The following WDR97 variants were observed in gnomAD, a reference collection of about 807,000 sequenced individuals.
WDR97 encodes WD repeat domain 97.
WDR97 carries 111 observed loss-of-function variants against 65.4 expected under a neutral mutation model. The ratio of observed to expected loss-of-function variants is 1.70; its 90% CI spans 1.45 to 1.99. The LOEUF (loss-of-function observed/expected upper bound fraction) is 1.99, where lower values mean the gene tolerates loss of function less well. Ranked by LOEUF, WDR97 falls within the 30% of genes most tolerant of loss-of-function variation. The probability of loss-of-function intolerance (pLI) is 0.00; values close to 1 mark genes in which losing one functional copy is unlikely to be tolerated. For missense variants in WDR97, 1,674 were observed against 865.0 expected, an observed-to-expected ratio of 1.94 and a Z score of -11.73; for synonymous variants, 802 against 397.7, an observed-to-expected ratio of 2.02 and a Z score of -12.10.
chr8:144,115,624 A>C lies in WDR97; in HGVS notation c.4361A>C (p.His1454Pro), dbSNP rs1310414159. 1.5e-6 allele frequency: 1 copy of C among 687,318 alleles called. No individual in the cohort carries two copies. The highest frequency in any genetic ancestry group is 2.7e-6 in the Non-Finnish European group (1 of 375,966). 42.6% of individuals were successfully genotyped at this position (687,318 alleles called of 1,614,324 possible). ...SFCLEPEARL[H>P]PAGPAQLPGE... ...TGCCTGGAGCCCGAGGCCCGCCTGC[A>C]CCCTGCCGGGCCTGCTCAGCTGCCC... Residue 1454 changes from histidine (H) to proline (P), a missense_variant, in exon 22 of 24, where the codon CAC (histidine) becomes CCC (proline). His to Pro is a moderately conservative substitution (Grantham distance 77). Coordinates refer to ENST00000323662, the MANE Select transcript of WDR97 (RefSeq NM_001316309.2).
chr8:144,113,565 C>T (rs1416244643), intron 16 of WDR97, 48 bp downstream of exon 16: 8 of 685,410 alleles, frequency 1.2e-5, no homozygotes, highest in African/African-American at 3.5e-5. Context: ...AGAGAAAGCT[C>T]GAGGCAAGGG....
Position 144,109,817 on chromosome 8 carries a change from G to A in WDR97, c.1483G>A (p.Ala495Thr). Reference sequence around the variant, plus strand: ...CGAGGCGCTGTGGCTGCTGACCAGGGCTGGGCACCTGGTCCGCGCCAACGC... The same window carrying A: ...CGAGGCGCTGTGGCTGCTGACCAGGACTGGGCACCTGGTCCGCGCCAACGC... ...PREALWLLTR[A>T]GHLVRANAAR... The change falls in exon 5 of 24, where the codon GCT (alanine) becomes ACT (threonine). Residue 495 changes from alanine to threonine, a missense_variant. Ala to Thr is a moderately conservative substitution (Grantham distance 58). Coordinates refer to ENST00000323662, the MANE Select transcript of WDR97 (RefSeq NM_001316309.2). 1 of 684,754 alleles carries A rather than the reference G, an allele frequency of 1.5e-6. No individual in the cohort carries two copies. The highest frequency in any genetic ancestry group is 1.5e-5 in the South Asian group (1 of 65,478). The allele number at this position is 684,754 out of a possible 1,614,324, so 42.4% of individuals were successfully genotyped here. A position where few individuals can be genotyped will look rare whatever the true frequency, so the allele number is the denominator to read the frequency against.
rs1836636016 is a variant in WDR97 at position 144,115,617 on chromosome 8, C to A, written c.4354C>A (p.Arg1452Ser). The A allele has an allele frequency of 1.5e-6, 1 of 686,846 alleles. No homozygotes were observed. The allele number at this position is 686,846 out of a possible 1,614,324, so 42.5% of individuals were successfully genotyped here. ...GAGCTTCTGCCTGGAGCCCGAGGCCCGCCTGCACCCTGCCGGGCCTGCTCA... is the reference window on the plus strand; with the variant it reads ...GAGCTTCTGCCTGGAGCCCGAGGCCAGCCTGCACCCTGCCGGGCCTGCTCA... ...LKSFCLEPEARLHPAGPAQLP... is the reference protein window; with the variant it reads ...LKSFCLEPEASLHPAGPAQLP... The change falls in exon 22 of 24, where the codon CGC (arginine) becomes AGC (serine). Residue 1452 changes from arginine to serine, a missense_variant. Transcript: ENST00000323662.
Position 144,113,691 on chromosome 8 carries a change from G to A in WDR97, c.3218G>A (p.Arg1073His), listed in dbSNP as rs561414111. The A allele has an allele frequency of 7.4e-6, 5 of 671,794 alleles. No homozygotes were observed. The highest frequency in any genetic ancestry group is 8.2e-6 in the Non-Finnish European group (3 of 366,938). The allele number at this position is 671,794 out of a possible 1,614,324, so 41.6% of individuals were successfully genotyped here. Residue 1073 changes from arginine to histidine, a missense_variant, in exon 17 of 24, where the codon CGC becomes CAC. Transcript: ENST00000323662. ...GASQDALWLW[R>H]PRPSQTQWQR... Reference sequence around the variant, plus strand: ...AGCCAGGATGCCCTGTGGTTGTGGCGCCCCAGGCCATCCCAAACCCAGTGG... The same window carrying A: ...AGCCAGGATGCCCTGTGGTTGTGGCACCCCAGGCCATCCCAAACCCAGTGG...
Position 144,109,851 on chromosome 8 carries a change from G to A in WDR97, c.1517G>A (p.Cys506Tyr), listed in dbSNP as rs1836508719. ...CTGGTCCGCGCCAACGCGGCGCGCT[G>A]CCCCATGAGCGTGCTGCACCGCGTG... is the stretch of plus-strand genomic sequence containing the variant. ...GHLVRANAAR[C>Y]PMSVLHRVCP... The change falls in exon 5 of 24, where the codon TGC becomes TAC. Residue 506 changes from cysteine to tyrosine, a missense_variant. By Grantham distance (194) the Cys-to-Tyr change is radical. Coordinates refer to ENST00000323662, the MANE Select transcript of WDR97 (RefSeq NM_001316309.2). 1 of 697,350 alleles carries A rather than the reference G, an allele frequency of 1.4e-6. No individual in the cohort carries two copies. Among genetic ancestry groups the A allele is most frequent in the South Asian group, 1.5e-5 (1 of 67,290 alleles). 43.2% of individuals were successfully genotyped at this position (697,350 alleles called of 1,614,324 possible).
At position 144,114,158 on chromosome 8, in the gene WDR97, T is replaced by G; in HGVS notation, c.3590T>G (p.Leu1197Arg). 1.4e-6 allele frequency: 1 copy of G among 702,640 alleles called. No individual in the cohort carries two copies. 43.5% of individuals were successfully genotyped at this position (702,640 alleles called of 1,614,324 possible). A position where few individuals can be genotyped will look rare whatever the true frequency, so the allele number is the denominator to read the frequency against. ...AAAAAGTTGTTCCCCATCTTCAGCC[T>G]GCAGGTTGGAGGGAACTGGGGATGC... ...WFKKLFPIFS[L>R]QAYPEAGTIE... Residue 1197 changes from leucine to arginine, a missense_variant, in exon 18 of 24, where the codon CTG (leucine) becomes CGG (arginine). Leu to Arg is a moderately radical substitution (Grantham distance 102). Coordinates refer to ENST00000323662, the MANE Select transcript of WDR97 (RefSeq NM_001316309.2).
rs1814807114 is a variant in WDR97, at chr8:144,118,148, T to C, written c.*1855T>C. On this transcript the variant is annotated 3_prime_UTR_variant, in exon 24 of 24. Transcript: ENST00000323662. ...CCCACACATCAGGCAAGAGACTTGT[T>C]CCTTAAAAATTATCTAGTTTAGCCG... is the stretch of plus-strand genomic sequence containing the variant. The C allele has an allele frequency of 6.6e-6, 1 of 152,062 alleles. No individual in the cohort carries two copies. The highest frequency in any genetic ancestry group is 2.1e-4 in the South Asian group (1 of 4,832). The allele number at this position is 152,062 out of a possible 1,614,324, so 9.4% of individuals were successfully genotyped here. A position where few individuals can be genotyped will look rare whatever the true frequency, so the allele number is the denominator to read the frequency against.
Position 144,116,095 on chromosome 8 carries a change from C to T in WDR97, c.4671C>T (p.Pro1557=), listed in dbSNP as rs1399722216. Residue 1557 remains proline, a synonymous_variant, in exon 24 of 24, where the codon CCC becomes CCT. Coordinates refer to ENST00000323662, the MANE Select transcript of WDR97 (RefSeq NM_001316309.2). ...TAAGCCTCCGCCCGCCCCCAGGCCC[C>T]ATGCGGTCCCGGCTCTGTGCGGGCC... ...SARSAMRLRG[P]MRSRLCAGRT... The T allele has an allele frequency of 4.3e-6, 3 of 693,758 alleles. No homozygotes were observed. Among genetic ancestry groups the T allele is most frequent in the African/African-American group, 1.8e-5 (1 of 57,096 alleles). The allele number at this position is 693,758 out of a possible 1,614,324, so 43.0% of individuals were successfully genotyped here.
intron 15 of WDR97, chr8:144,113,035 T>G: frequency 3.0e-6 from 1 of 330,392 alleles, no homozygotes; most frequent in Admixed American, 4.7e-5. Context: ...TAATTGACTC[T>G]TTGGGCCTGG....
rs1233666335 is a variant in WDR97 at position 144,113,789 on chromosome 8, G to A, written c.3316G>A (p.Glu1106Lys). 2 of 702,844 alleles carry A rather than the reference G, an allele frequency of 2.8e-6. No homozygotes were observed. Among genetic ancestry groups the A allele is most frequent in the Admixed American group, 2.0e-5 (1 of 49,978 alleles). 43.5% of individuals were successfully genotyped at this position (702,844 alleles called of 1,614,324 possible). The change falls in exon 17 of 24, where the codon GAG becomes AAG. Residue 1106 changes from glutamate to lysine, a missense_variant. Glu to Lys is a moderately conservative substitution (Grantham distance 56). Transcript: ENST00000323662. The part of the protein sequence containing the change: ...EGEEDKKEEE[E>K]EKEDEELDWA... ...GGAGGAAGACAAGAAGGAAGAGGAG[G>A]AGGAGAAGGAAGACGAGGAGCTGGA...
chr8:144,108,367 C>G lies in WDR97; in HGVS notation c.301C>G (p.Leu101Val). The G allele has an allele frequency of 1.4e-6, 1 of 697,072 alleles. No individual in the cohort carries two copies. The highest frequency in any genetic ancestry group is 1.5e-5 in the South Asian group (1 of 67,262). The allele number at this position is 697,072 out of a possible 1,614,324, so 43.2% of individuals were successfully genotyped here. ...AARLTHGLEP[L>V]RRLEVAAGLR... is the part of the protein sequence containing the mutation. ...GCGCCTGACGCATGGGCTGGAACCA[C>G]TGCGCCGCCTGGAGGTGGCAGCCGG... The change falls in exon 3 of 24, where the codon CTG (leucine) becomes GTG (valine). Residue 101 changes from leucine (L) to valine (V), a missense_variant. By Grantham distance (32) the Leu-to-Val change is conservative (BLOSUM62 1). Coordinates refer to ENST00000323662, the MANE Select transcript of WDR97 (RefSeq NM_001316309.2).
Position 144,109,875 on chromosome 8 carries a change from T to G in WDR97, c.1541T>G (p.Val514Gly). ...ARCPMSVLHRVCPPPPPAPQP... is the reference protein window; with the variant it reads ...ARCPMSVLHRGCPPPPPAPQP... The stretch of plus-strand genomic sequence containing the variant: ...TGCCCCATGAGCGTGCTGCACCGCG[T>G]GTGCCCGCCGCCGCCCCCTGCGCCG... The change falls in exon 5 of 24, where the codon GTG becomes GGG. Residue 514 changes from valine to glycine, a missense_variant. Physicochemically the swap from Val to Gly is moderately radical, Grantham distance 109. Transcript: ENST00000323662. 3 of 700,588 alleles carry G rather than the reference T, an allele frequency of 4.3e-6. No homozygotes were observed. Among genetic ancestry groups the G allele is most frequent in the Non-Finnish European group, 7.8e-6 (3 of 383,922 alleles). 43.4% of individuals were successfully genotyped at this position (700,588 alleles called of 1,614,324 possible).
At chr8:144,113,012 C>A in intron 15 of WDR97, 1 of 314,338 alleles carries the variant, frequency 3.2e-6, no homozygotes, top group African/African-American at 2.2e-5. Context: ...GCACTGTCAC[C>A]TGCCCAGGTG....
In WDR97 at chr8:144,109,976, C is replaced by T. The variant is rs1212167778; in HGVS notation, c.1642C>T (p.Gln548Ter). The change falls in exon 5 of 24, where the codon CAG becomes TAG. Residue 548 changes from glutamine to a stop codon, truncating the protein, a stop_gained. Coordinates refer to ENST00000323662, the MANE Select transcript of WDR97 (RefSeq NM_001316309.2). LOFTEE classifies it high-confidence loss of function. ...GAFSSWEIVR[Q>*]HWGELRCSSV... is the part of the protein sequence containing the mutation. ...CTTCTCCTCCTGGGAGATCGTGCGC[C>T]AGCACTGGGGCGAGTTGCGCTGCAG... The T allele has an allele frequency of 1.4e-6, 1 of 701,642 alleles. No individual in the cohort carries two copies. The highest frequency in any genetic ancestry group is 1.5e-5 in the South Asian group (1 of 67,490). 43.5% of individuals were successfully genotyped at this position (701,642 alleles called of 1,614,324 possible).
At chr8:144,111,858 A>G in intron 12 of WDR97, 29 bp from the exon 13 acceptor site, 1 of 662,644 alleles carries the variant, frequency 1.5e-6, no homozygotes, top group East Asian at 3.0e-5. Flanking sequence ...CTGGTCTCTG[A>G]TGGTCTGTCT....
chr8:144,113,921 T>C (rs7836836), intron 17 of WDR97, 40 bp downstream of exon 17: 617,295 of 685,034 alleles, frequency 0.9, 279,779 homozygotes, highest in East Asian at 1. Context: ...CCACGGGAGG[T>C]GGGCTTACAC....
Position 144,109,913 on chromosome 8 carries a change from C to CT in WDR97, c.1580dup (p.His528AlafsTer133), listed in dbSNP as rs1564320494. ...GCCCCCTGCGCCGCAGCCTTGCTGT[C>CT]TGCACCTGTACAGCCACCTCACGGA... is the stretch of plus-strand genomic sequence containing the variant. On this transcript the variant is annotated frameshift_variant, in exon 5 of 24. Transcript: ENST00000323662. LOFTEE classifies it high-confidence loss of function. The CT allele has an allele frequency of 1.4e-6, 1 of 702,088 alleles. No individual in the cohort carries two copies. Among genetic ancestry groups the CT allele is most frequent in the East Asian group, 2.7e-5 (1 of 37,258 alleles). The allele number at this position is 702,088 out of a possible 1,614,324, so 43.5% of individuals were successfully genotyped here.
rs1210757413 is a variant in WDR97 at position 144,116,159 on chromosome 8, T to C, written c.4735T>C (p.Leu1579=). Residue 1579 remains leucine (L), a synonymous_variant, in exon 24 of 24, where the codon TTG becomes CTG. Transcript: ENST00000323662. ...CCCCATCCGGACGCTGAAGCTGCCG[T>C]TGCCGCGTGTGGAGCCGCAGCCTTT... ...DGPIRTLKLP[L]PRVEPQPFPL... is the part of the protein sequence containing the mutation. The C allele has an allele frequency of 2.9e-6, 2 of 700,224 alleles. No homozygotes were observed. The highest frequency in any genetic ancestry group is 5.2e-6 in the Non-Finnish European group (2 of 383,722). 43.4% of individuals were successfully genotyped at this position (700,224 alleles called of 1,614,324 possible).
rs755427262 is a variant in WDR97 at position 144,113,698 on chromosome 8, G to T, written c.3225G>T (p.Arg1075Ser). 3.0e-6 allele frequency: 2 copies of T among 677,746 alleles called. No individual in the cohort carries two copies. Among genetic ancestry groups the T allele is most frequent in the African/African-American group, 3.5e-5 (2 of 56,852 alleles). The allele number at this position is 677,746 out of a possible 1,614,324, so 42.0% of individuals were successfully genotyped here. A position where few individuals can be genotyped will look rare whatever the true frequency, so the allele number is the denominator to read the frequency against. Residue 1075 changes from arginine (R) to serine (S), a missense_variant, in exon 17 of 24, where the codon AGG (arginine) becomes AGT (serine). Coordinates refer to ENST00000323662, the MANE Select transcript of WDR97 (RefSeq NM_001316309.2). ...SQDALWLWRPRPSQTQWQRKL... is the reference protein window; with the variant it reads ...SQDALWLWRPSPSQTQWQRKL... ...ATGCCCTGTGGTTGTGGCGCCCCAG[G>T]CCATCCCAAACCCAGTGGCAGAGGA...
Sources: gnomAD v4.1 joint callset for allele counts on GRCh38, gnomAD v4.1.1 for gene constraint, MANE v1.5 for transcripts, NCBI Gene and HGNC (gene_info 2026-07-23, HGNC 2026-07-21) for gene names.